OR51A7: variants seen among roughly 807,000 people sequenced by gnomAD.
OR51A7 encodes olfactory receptor 51A7.
For synonymous variants in OR51A7, 143 were observed against 135.5 expected, an observed-to-expected ratio of 1.05 and a Z score of -0.38; for missense variants, 409 against 374.5, an observed-to-expected ratio of 1.09 and a Z score of -0.76.
chr11:4,903,892 G>A (rs1850841733), intron 1 of OR51A7, 48 bp downstream of exon 1: 1 of 152,068 alleles, frequency 6.6e-6, no homozygotes, highest in South Asian at 2.1e-4. Flanking sequence ...GGGAGGAAGA[G>A]TAAGTGGTTT....
chr11:4,904,974 G>T (rs1218459856), intron 1 of OR51A7, among the ~76,000 whole-genome samples: 1 of 152,096 alleles, frequency 6.6e-6, no homozygotes, highest in African/African-American at 2.4e-5. Flanking sequence ...TTACATGAAA[G>T]TAGTACGTTA....
chr11:4,909,157 C>A lies in OR51A7; in HGVS notation c.*849C>A, dbSNP rs1850952337. The A allele has an allele frequency of 6.6e-6, 1 of 151,670 alleles. No individual in the cohort carries two copies. The highest frequency in any genetic ancestry group is 2.1e-4 in the South Asian group (1 of 4,790). The allele number at this position is 151,670 out of a possible 1,614,324, so 9.4% of individuals were successfully genotyped here. The stretch of plus-strand genomic sequence containing the variant: ...CCCTGCGCCTTAAAAAAAATCAGCC[C>A]CTCTAATATGTTCTTAAAAATTGAT... On this transcript the variant is annotated 3_prime_UTR_variant, in exon 2 of 2. Coordinates refer to ENST00000641490, the MANE Select transcript of OR51A7 (RefSeq NM_001004749.2).
chr11:4,907,455 T>A lies in OR51A7; in HGVS notation c.86T>A (p.Ile29Asn), dbSNP rs771315532. ...GAACATGCCCACATTTGGTTCTCCA[T>A]CCCCATTTGCCTCATGTACCTGCTT... is the stretch of plus-strand genomic sequence containing the variant. ...GLEHAHIWFS[I>N]PICLMYLLAI... is the part of the protein sequence containing the mutation. The change falls in exon 2 of 2, where the codon ATC becomes AAC. Residue 29 changes from isoleucine to asparagine, a missense_variant. By Grantham distance (149) the Ile-to-Asn change is moderately radical. Transcript: ENST00000641490. The A allele has an allele frequency of 1.9e-6, 3 of 1,613,954 alleles. No homozygotes were observed. The highest frequency in any genetic ancestry group is 1.7e-6 in the Non-Finnish European group (2 of 1,179,948).
chr11:4,908,304 G>A lies in OR51A7; in HGVS notation c.935G>A (p.Arg312Lys), dbSNP rs747149546. 4 of 1,613,056 alleles carry A rather than the reference G, an allele frequency of 2.5e-6. No homozygotes were observed. In the Admixed American group the frequency reaches 5.0e-5, roughly 20 times the overall value. Residue 312 changes from arginine (R) to lysine (K), a missense_variant, in exon 2 of 2, where the codon AGA becomes AAA. Arg to Lys is a conservative substitution (Grantham distance 26). Transcript: ENST00000641490. The stretch of plus-strand genomic sequence containing the variant: ...GGGAAGTTGCTTAATGTATGTGGGA[G>A]ATAAGAACTTGAACAATTAGGTAAT... Reference protein sequence around the residue: ...ILGKLLNVCGR With the variant: ...ILGKLLNVCGK
Position 4,907,945 on chromosome 11 carries a change from C to T in OR51A7, c.576C>T (p.Asn192=). ...QDTMKLACSD[N]KTNVIYGFFI... is the part of the protein sequence containing the mutation. The stretch of plus-strand genomic sequence containing the variant: ...CCATGAAGCTGGCCTGCTCTGACAA[C>T]AAGACCAATGTCATCTATGGCTTCT... Residue 192 remains asparagine, a synonymous_variant, in exon 2 of 2, where the codon AAC becomes AAT. Coordinates refer to ENST00000641490, the MANE Select transcript of OR51A7 (RefSeq NM_001004749.2). 1.2e-6 allele frequency: 2 copies of T among 1,614,098 alleles called. No individual in the cohort carries two copies. Among genetic ancestry groups the T allele is most frequent in the Non-Finnish European group, 1.7e-6 (2 of 1,179,960 alleles).
At chr11:4,906,685 C>T (rs966811198) in intron 1 of OR51A7, among the ~76,000 whole-genome samples, 2 of 152,064 alleles carry the variant, frequency 1.3e-5, no homozygotes, top group Admixed American at 6.5e-5. Context: ...TTAAAGCCAA[C>T]GTGGGTACTG....
At chr11:4,905,534 A>G (rs1342285251) in intron 1 of OR51A7, among the ~76,000 whole-genome samples, 2 of 152,182 alleles carry the variant, frequency 1.3e-5, no homozygotes, top group Admixed American at 6.6e-5. Flanking sequence ...CTGAAGGTTG[A>G]TGACTTTTTT....
In OR51A7 at chr11:4,907,733, C is replaced by T. The variant is rs369047873; in HGVS notation, c.364C>T (p.Arg122Cys). 3.0e-5 allele frequency: 48 copies of T among 1,613,794 alleles called. No individual in the cohort carries two copies. The highest frequency in any genetic ancestry group is 2.3e-4 in the South Asian group (21 of 91,072). ...AGTACTTCTAATTATGTCTTTGGAC[C>T]GCTTTCTTGCCATTCACAATCCCTT... ...SSVLLIMSLD[R>C]FLAIHNPLRY... The change falls in exon 2 of 2, where the codon CGC (arginine) becomes TGC (cysteine). Residue 122 changes from arginine to cysteine, a missense_variant. Physicochemically the swap from Arg to Cys is radical, Grantham distance 180. Coordinates refer to ENST00000641490, the MANE Select transcript of OR51A7 (RefSeq NM_001004749.2).
At chr11:4,907,115 A>AAAAAAAAAAAAAAC (rs1554890101) in intron 1 of OR51A7, among the ~76,000 whole-genome samples, 2 of 144,816 alleles carry the variant, frequency 1.4e-5, no homozygotes, top group Non-Finnish European at 3.0e-5. Flanking sequence ...AAAAAAAAAA[A>AAAAAAAAAAAAAAC]TCCTAAAAAT....
At position 4,907,794 on chromosome 11, in the gene OR51A7, C is replaced by T. The variant is rs752731767; in HGVS notation, c.425C>T (p.Ala142Val). The T allele has an allele frequency of 2.5e-5, 40 of 1,613,896 alleles. No homozygotes were observed. The highest frequency in any genetic ancestry group is 3.0e-5 in the Non-Finnish European group (35 of 1,179,996). ...TCTATCCTCACTAGCAACAGGGTTG[C>T]TAAAATGGGACTTATTTTAGCCATT... ...YSSILTSNRV[A>V]KMGLILAIRS... Residue 142 changes from alanine (A) to valine (V), a missense_variant, in exon 2 of 2, where the codon GCT becomes GTT. Coordinates refer to ENST00000641490, the MANE Select transcript of OR51A7 (RefSeq NM_001004749.2).
chr11:4,903,940 C>T (rs975450361), intron 1 of OR51A7, 96 bp downstream of exon 1: 1 of 151,962 alleles, frequency 6.6e-6, no homozygotes, highest in Non-Finnish European at 1.5e-5. Context: ...ATATATTATG[C>T]CCTGACGGTT....
rs766958529 is a variant in OR51A7, at chr11:4,908,358, C to T, written c.*50C>T. The T allele has an allele frequency of 6.8e-7, 1 of 1,478,548 alleles. No individual in the cohort carries two copies. The highest frequency in any genetic ancestry group is 1.1e-5 in the South Asian group (1 of 88,050). 91.6% of individuals were successfully genotyped at this position (1,478,548 alleles called of 1,614,324 possible). On this transcript the variant is annotated 3_prime_UTR_variant, in exon 2 of 2. Transcript: ENST00000641490. ...TTATCAACCAGTAGGCATTTACTGT[C>T]ATTTGCTATGTGCTTAATGCCATAG... is the stretch of plus-strand genomic sequence containing the variant.
chr11:4,905,481 A>G (rs1048944799), intron 1 of OR51A7, among the ~76,000 whole-genome samples: 2 of 152,138 alleles, frequency 1.3e-5, no homozygotes, highest in African/African-American at 4.8e-5. Flanking sequence ...AAGCTTCCAT[A>G]TAAAGGAGCT....
chr11:4,905,101 A>G (rs1850863545), intron 1 of OR51A7, among the ~76,000 whole-genome samples: 1 of 152,188 alleles, frequency 6.6e-6, no homozygotes, highest in Non-Finnish European at 1.5e-5. Flanking sequence ...AGTTAAGTGC[A>G]TTCAGAGGTG....
Position 4,907,095 on chromosome 11 carries a change from T to TAA in OR51A7, c.-31-225_-31-224dup, listed in dbSNP as rs3065178. Among the ~76,000 whole-genome samples, 275 of 55,128 alleles carry TAA rather than the reference T, an allele frequency of 5.0e-3. 24 individuals carry two copies. The highest frequency in any genetic ancestry group is 0.021 in the Middle Eastern group (2 of 96). The allele number at this position is 55,128 out of a possible 152,430, so 36.2% of individuals were successfully genotyped here. ...TGGGCAACAAGAGCAAAACTCCCTCTAAAAAAAAAAAAAAAAAAAATCCTA... is the reference window on the plus strand; with the variant it reads ...TGGGCAACAAGAGCAAAACTCCCTCTAAAAAAAAAAAAAAAAAAAAAATCCTA... On this transcript the variant is annotated intron_variant, in intron 1 of 1. Transcript: ENST00000641490.
intron 1 of OR51A7, among the ~76,000 whole-genome samples, chr11:4,905,210 C>A (rs1234678561): frequency 6.6e-6 from 1 of 152,124 alleles, no homozygotes; most frequent in Non-Finnish European, 1.5e-5. Context: ...TGACATCTCA[C>A]AATCTGCTAC....
intron 1 of OR51A7, among the ~76,000 whole-genome samples, chr11:4,905,232 T>G (rs897727265): frequency 1.3e-5 from 2 of 152,100 alleles, no homozygotes; most frequent in African/African-American, 4.8e-5. Context: ...GTCTCCACAT[T>G]ATACTTACCC....
At chr11:4,904,105 A>G (rs996779715) in intron 1 of OR51A7, among the ~76,000 whole-genome samples, 6 of 152,152 alleles carry the variant, frequency 3.9e-5, no homozygotes, top group Non-Finnish European at 7.4e-5. Flanking sequence ...TCTGGAAGGA[A>G]AATGGCTAAG....
Position 4,907,360 on chromosome 11 carries a change from C to G in OR51A7, c.-10C>G. 6.4e-7 allele frequency: 1 copy of G among 1,567,938 alleles called. No homozygotes were observed. The highest frequency in any genetic ancestry group is 8.8e-7 in the Non-Finnish European group (1 of 1,141,342). On this transcript the variant is annotated 5_prime_UTR_variant, in exon 2 of 2. In the 5' UTR this introduces an upstream ATG that the reference lacks. Coordinates refer to ENST00000641490, the MANE Select transcript of OR51A7 (RefSeq NM_001004749.2). ...TCAGATCCGGCTAACGAGCTCATAT[C>G]TCCCTCATTATGTCTGTTCTCAATA... is the stretch of plus-strand genomic sequence containing the variant.
Sources: allele counts gnomAD v4.1 joint callset (sites outside exome capture counted in the v4.1 genomes callset), GRCh38; gene constraint gnomAD v4.1.1; transcripts MANE v1.5; gene names NCBI Gene and HGNC (gene_info 2026-07-23, HGNC 2026-07-21).